Variants in TCERG1L observed in about 807,000 individuals in gnomAD.
TCERG1L encodes the protein transcription elongation regulator 1-like protein.
In TCERG1L, 37 loss-of-function variants were observed where a neutral mutation model predicts 56.3. The observed-to-expected ratio is 0.66, with a 90% CI of 0.51 to 0.87. TCERG1L has a LOEUF of 0.87. Among genes scored for constraint, TCERG1L ranks in the 40% least tolerant of loss-of-function variants. TCERG1L has a pLI of 0.00. For synonymous variants in TCERG1L, 324 were observed against 326.3 expected, an observed-to-expected ratio of 0.99 and a Z score of 0.08; for missense variants, 799 against 774.2, an observed-to-expected ratio of 1.03 and a Z score of -0.38.
chr10:131,093,379 T>C, intron 11 of TCERG1L, 61 bp from the exon 12 acceptor site: 1 of 1,581,214 alleles, frequency 6.3e-7, no homozygotes, highest in Non-Finnish European at 8.6e-7. Flanking sequence ...TCCCCAGAGA[T>C]CCTGCAGCGG....
At chr10:131,280,912 A>G (rs1846445218) in intron 3 of TCERG1L, among the ~76,000 whole-genome samples, 2 of 152,122 alleles carry the variant, frequency 1.3e-5, no homozygotes, top group African/African-American at 4.8e-5. Context: ...AAAGTGAAGA[A>G]ATTTTGCTAT....
At chr10:131,235,985 GC>G (rs1023110910) in intron 4 of TCERG1L, among the ~76,000 whole-genome samples, 2 of 152,210 alleles carry the variant, frequency 1.3e-5, no homozygotes, top group African/African-American at 4.8e-5. Context: ...TGCCTGTAAT[GC>G]AAACAGTGCC....
chr10:131,151,890 C>T (rs767873461), intron 6 of TCERG1L, among the ~76,000 whole-genome samples: 4 of 152,210 alleles, frequency 2.6e-5, no homozygotes, highest in Non-Finnish European at 4.4e-5. Context: ...AGGCTCAACA[C>T]GTGAAAGCCA....
At chr10:131,116,777 C>T (rs768754812) in intron 9 of TCERG1L, 22 bp downstream of exon 9, 8 of 1,548,458 alleles carry the variant, frequency 5.2e-6, no homozygotes, top group South Asian at 1.2e-5. Context: ...AGGAGTGCAG[C>T]CCCTCAGCCG....
At chr10:131,136,503 C>T (rs1021466411) in intron 7 of TCERG1L, among the ~76,000 whole-genome samples, 7 of 152,022 alleles carry the variant, frequency 4.6e-5, no homozygotes, top group East Asian at 2.0e-4. Flanking sequence ...CGCCCAGGCC[C>T]GCCCTCAGAG....
intron 4 of TCERG1L, among the ~76,000 whole-genome samples, chr10:131,190,624 T>C (rs1336646595): frequency 1.4e-5 from 2 of 143,886 alleles, no homozygotes; most frequent in East Asian, 3.9e-4. Flanking sequence ...CACACGCAAG[T>C]CATTTCAATA....
intron 4 of TCERG1L, among the ~76,000 whole-genome samples, chr10:131,235,563 AC>A (rs112852054): frequency 0.014 from 2,155 of 152,372 alleles, 48 homozygotes; most frequent in African/African-American, 0.048. Context: ...GTAAAGCATG[AC>A]AGCTCAAAAC....
In TCERG1L at chr10:131,277,693, CAGA is replaced by C. The variant is rs1846407120; in HGVS notation, c.671-17252_671-17250del. ...GTGTTGGAGAGGACAGTGCCCATGGCAGAAGGATAAACACAGAGGCAGGCATGG... is the reference window on the plus strand; with the variant it reads ...GTGTTGGAGAGGACAGTGCCCATGGCAGGATAAACACAGAGGCAGGCATGG... On this transcript the variant is annotated intron_variant, in intron 3 of 11. Transcript: ENST00000368642. Among the ~76,000 whole-genome samples, 3 of 152,292 alleles carry C rather than the reference CAGA, an allele frequency of 2.0e-5. No homozygotes were observed. In the South Asian group the frequency reaches 6.2e-4, roughly 32 times the overall value.
Position 131,163,173 on chromosome 10 carries a change from G to T in TCERG1L, c.983C>A (p.Thr328Lys), listed in dbSNP as rs1042274599. The T allele has an allele frequency of 2.5e-6, 4 of 1,572,570 alleles. No individual in the cohort carries two copies. The Admixed American group carries it at 7.4e-5, about 29-fold the overall frequency. ...GGCCACTGGCCTGTTGCCTCTGGCT[G>T]TGCTGTCCTCTCCTCCCCCCAGCAT... ...PPMLGGGEDS[T>K]ARGNRPVAST... The change falls in exon 6 of 12, where the codon ACA (threonine) becomes AAA (lysine). Residue 328 changes from threonine to lysine, a missense_variant. Physicochemically the swap from Thr to Lys is moderately conservative, Grantham distance 78 (BLOSUM62 -1). Transcript: ENST00000368642.
intron 4 of TCERG1L, among the ~76,000 whole-genome samples, chr10:131,232,758 CAA>C (rs1366412019): frequency 6.6e-6 from 1 of 152,152 alleles, no homozygotes; most frequent in Non-Finnish European, 1.5e-5. Flanking sequence ...TTCCACCACA[CAA>C]GTGTCCCCCA....
chr10:131,305,096 T>G (rs1041898977), intron 3 of TCERG1L, among the ~76,000 whole-genome samples: 16 of 152,220 alleles, frequency 1.1e-4, no homozygotes, highest in African/African-American at 3.9e-4. Flanking sequence ...AGGCCTTCCC[T>G]GAGGATCCCC....
chr10:131,223,258 C>T (rs1016165698), intron 4 of TCERG1L, among the ~76,000 whole-genome samples: 8 of 152,172 alleles, frequency 5.3e-5, no homozygotes, highest in Admixed American at 1.3e-4. Flanking sequence ...CCTCGGCCCC[C>T]GGGGCAAACG....
chr10:131,209,781 A>G (rs913091179), intron 4 of TCERG1L, among the ~76,000 whole-genome samples: 41 of 152,210 alleles, frequency 2.7e-4, no homozygotes, highest in Non-Finnish European at 2.9e-5. Flanking sequence ...AGCACTTTGT[A>G]ATTATCTAAA....
rs1047606586 is a variant in TCERG1L, at chr10:131,117,280, G to C, written c.1260-346C>G. 3.9e-5 allele frequency among the ~76,000 whole-genome samples: 6 copies of C among 152,212 alleles called. No homozygotes were observed. The East Asian group carries it at 1.2e-3, about 29-fold the overall frequency. On this transcript the variant is annotated intron_variant, in intron 8 of 11. Transcript: ENST00000368642. ...GGTCCTCATACTGCCCACGGCCCACGGCAGGGAAGCCAGGCCTCAGGTGCT... is the reference window on the plus strand; with the variant it reads ...GGTCCTCATACTGCCCACGGCCCACCGCAGGGAAGCCAGGCCTCAGGTGCT...
chr10:131,274,369 C>G lies in TCERG1L; in HGVS notation c.671-13925G>C, dbSNP rs140385458. Among the ~76,000 whole-genome samples the G allele has an allele frequency of 8.4e-3, 1,273 of 152,352 alleles. 3 individuals carry two copies. Among genetic ancestry groups the G allele is most frequent in the Non-Finnish European group, 0.011 (759 of 68,038 alleles). On this transcript the variant is annotated intron_variant, in intron 3 of 11. Transcript: ENST00000368642. ...AACGCCATTCCCAGCTGCACTTGTT[C>G]AGTTTTGCTCAGCATCCTATGGCCA... is the stretch of plus-strand genomic sequence containing the variant.
At chr10:131,265,797 G>T (rs1312193281) in intron 3 of TCERG1L, among the ~76,000 whole-genome samples, 1 of 152,262 alleles carries the variant, frequency 6.6e-6, no homozygotes, top group Non-Finnish European at 1.5e-5. Flanking sequence ...TCTTTTGCCA[G>T]TGGAGGGTCT....
chr10:131,309,432 C>A, intron 1 of TCERG1L, 133 bp from the exon 2 acceptor site: 1 of 1,237,714 alleles, frequency 8.1e-7, no homozygotes, highest in Non-Finnish European at 1.1e-6. Context: ...AGATAAATTT[C>A]CTCGAGAAAA....
intron 6 of TCERG1L, among the ~76,000 whole-genome samples, chr10:131,149,238 C>A (rs527695744): frequency 2.0e-5 from 3 of 152,220 alleles, no homozygotes; most frequent in African/African-American, 7.2e-5. Flanking sequence ...GGGGAGCGGG[C>A]TCATGGGCCC....
At chr10:131,238,325 T>C (rs1236094481) in intron 4 of TCERG1L, among the ~76,000 whole-genome samples, 2 of 152,180 alleles carry the variant, frequency 1.3e-5, no homozygotes, top group Non-Finnish European at 2.9e-5. Flanking sequence ...GCAGAAGATA[T>C]GAAGCTTCCT....
Sources: allele counts gnomAD v4.1 joint callset (sites outside exome capture counted in the v4.1 genomes callset), GRCh38; gene constraint gnomAD v4.1.1; transcripts MANE v1.5; gene names NCBI Gene and HGNC (gene_info 2026-07-23, HGNC 2026-07-21).